NELL1: variants seen among roughly 807,000 people sequenced by gnomAD.
NELL1 encodes protein kinase C-binding protein NELL1.
Under a neutral mutation model 107.4 loss-of-function variants are expected in NELL1, and 76 were observed. That is an observed-to-expected ratio of 0.71 (90% CI 0.59 to 0.86). The LOEUF is 0.86. NELL1 is among the 40% of genes least tolerant of loss of function. The probability of loss-of-function intolerance (pLI) is 0.00; values close to 1 mark genes in which losing one functional copy is unlikely to be tolerated. For synonymous variants in NELL1, 353 were observed against 341.2 expected, an observed-to-expected ratio of 1.03 and a Z score of -0.38; for missense variants, 1,024 against 1,005.5, an observed-to-expected ratio of 1.02 and a Z score of -0.25.
At chr11:20,873,931 CTTTT>C (rs1393359340) in intron 4 of NELL1, among the ~76,000 whole-genome samples, 1 of 151,958 alleles carries the variant, frequency 6.6e-6, no homozygotes, top group African/African-American at 2.4e-5. Flanking sequence ...GCCCAGCTAA[CTTTT>C]TTATTTTTTG....
chr11:21,352,928 C>A (rs931864434), intron 14 of NELL1, among the ~76,000 whole-genome samples: 6 of 152,098 alleles, frequency 3.9e-5, no homozygotes, highest in Non-Finnish European at 1.5e-5. Flanking sequence ...CTGTGCCTGT[C>A]CTTTCTTTGT....
At chr11:20,809,822 A>G (rs1401807047) in intron 3 of NELL1, among the ~76,000 whole-genome samples, 1 of 152,182 alleles carries the variant, frequency 6.6e-6, no homozygotes, top group East Asian at 1.9e-4. Flanking sequence ...ATAATGCTAT[A>G]TGGGAGTGCA....
intron 14 of NELL1, among the ~76,000 whole-genome samples, chr11:21,320,630 G>C (rs1178598975): frequency 6.6e-6 from 1 of 152,096 alleles, no homozygotes; most frequent in Admixed American, 6.5e-5. Context: ...TATTCCATCA[G>C]GGCTGAGGCT....
chr11:20,745,403 A>G (rs189930836), intron 2 of NELL1, among the ~76,000 whole-genome samples: 5 of 152,312 alleles, frequency 3.3e-5, no homozygotes, highest in Admixed American at 2.0e-4. Context: ...AGCAATCATA[A>G]CAGCAATCGA....
chr11:21,373,816 C>T (rs2133757264), intron 15 of NELL1, among the ~76,000 whole-genome samples: 1 of 152,240 alleles, frequency 6.6e-6, no homozygotes, highest in South Asian at 2.1e-4. Flanking sequence ...TACCCTTCAA[C>T]TTCCTTCTCT....
intron 15 of NELL1, among the ~76,000 whole-genome samples, chr11:21,465,159 G>C (rs1159277363): frequency 2.6e-5 from 4 of 152,186 alleles, no homozygotes; most frequent in Admixed American, 2.0e-4. Context: ...TTGAGGAGGT[G>C]ATATAGGGGC....
intron 14 of NELL1, among the ~76,000 whole-genome samples, chr11:21,278,048 TAAAAA>T (rs36110638): frequency 1.1e-4 from 16 of 151,364 alleles, no homozygotes; most frequent in African/African-American, 3.9e-4. Flanking sequence ...TGAAGTATAA[TAAAAA>T]AAAAAGAAAG....
At chr11:20,710,780 C>T (rs866697607) in intron 2 of NELL1, among the ~76,000 whole-genome samples, 1 of 151,698 alleles carries the variant, frequency 6.6e-6, no homozygotes, top group Non-Finnish European at 1.5e-5. Flanking sequence ...TGGATTTTAT[C>T]CATCTCCTCT....
chr11:20,759,326 C>T (rs1856367101), intron 2 of NELL1, among the ~76,000 whole-genome samples: 3 of 152,148 alleles, frequency 2.0e-5, no homozygotes, highest in Admixed American at 6.5e-5. Context: ...GAGTCTCAGA[C>T]ATTGAAAGGA....
chr11:21,354,725 G>A (rs1349840936), intron 14 of NELL1, among the ~76,000 whole-genome samples: 7 of 152,190 alleles, frequency 4.6e-5, no homozygotes, highest in East Asian at 1.9e-4. Context: ...TGGTCCACCC[G>A]AATTACCCAG....
intron 2 of NELL1, among the ~76,000 whole-genome samples, chr11:20,765,413 G>A (rs1429689112): frequency 2.6e-5 from 4 of 152,172 alleles, no homozygotes; most frequent in Admixed American, 6.5e-5. Flanking sequence ...AGACACCACA[G>A]CACAGTGGTG....
intron 4 of NELL1, among the ~76,000 whole-genome samples, chr11:20,848,126 G>A (rs904063764): frequency 6.6e-6 from 1 of 152,158 alleles, no homozygotes; most frequent in Non-Finnish European, 1.5e-5. Flanking sequence ...GAATAAGCTT[G>A]TCTACCCTGG....
chr11:21,406,323 C>T (rs533545242), intron 15 of NELL1, among the ~76,000 whole-genome samples: 2 of 151,862 alleles, frequency 1.3e-5, no homozygotes, highest in Admixed American at 6.6e-5. Context: ...CATACTGTCT[C>T]TTGAATTTTT....
At chr11:20,775,383 G>A (rs185380834) in intron 2 of NELL1, among the ~76,000 whole-genome samples, 10 of 152,032 alleles carry the variant, frequency 6.6e-5, no homozygotes, top group African/African-American at 1.9e-4. Flanking sequence ...AATTTTCCAT[G>A]GGGTGTATAT....
chr11:20,745,275 G>A lies in NELL1; in HGVS notation c.185-38405G>A, dbSNP rs551024213. ...TTATATGCCTTAAAGCCCAACTATT[G>A]AAAATTATAAGTCTCACACATTGAT... is the stretch of plus-strand genomic sequence containing the variant. On this transcript the variant is annotated intron_variant, in intron 2 of 19. Coordinates refer to ENST00000357134, the MANE Select transcript of NELL1 (RefSeq NM_006157.5). 6.6e-5 allele frequency among the ~76,000 whole-genome samples: 10 copies of A among 152,208 alleles called. No individual in the cohort carries two copies. In the South Asian group the frequency reaches 2.1e-3, roughly 32 times the overall value.
chr11:21,491,381 A>G (rs948490663), intron 15 of NELL1, among the ~76,000 whole-genome samples: 6 of 152,014 alleles, frequency 3.9e-5, no homozygotes, highest in African/African-American at 1.2e-4. Flanking sequence ...TGTATAAGGT[A>G]TAAGGAAGGG....
rs892501093 is a variant in NELL1 at position 20,693,541 on chromosome 11, A to G, written c.184+15481A>G. On this transcript the variant is annotated intron_variant, in intron 2 of 19. Transcript: ENST00000357134. ...AAAGTATTTTATTTCTCCTTCACTTATGAAGCTTAGTTTGGCTGGATATGA... is the reference window on the plus strand; with the variant it reads ...AAAGTATTTTATTTCTCCTTCACTTGTGAAGCTTAGTTTGGCTGGATATGA... Among the ~76,000 whole-genome samples, 36 of 152,028 alleles carry G rather than the reference A, an allele frequency of 2.4e-4. No homozygotes were observed. The South Asian group carries it at 5.2e-3, about 22-fold the overall frequency.
At chr11:21,346,812 C>G (rs985927245) in intron 14 of NELL1, among the ~76,000 whole-genome samples, 1 of 151,962 alleles carries the variant, frequency 6.6e-6, no homozygotes, top group African/African-American at 2.4e-5. Context: ...TGCTCTCTCA[C>G]TTACTTGAAA....
intron 14 of NELL1, among the ~76,000 whole-genome samples, chr11:21,296,278 T>C (rs1307504412): frequency 6.6e-6 from 1 of 151,916 alleles, no homozygotes; most frequent in Non-Finnish European, 1.5e-5. Flanking sequence ...TAATTGAAAT[T>C]ATCTGGAGAA....
Sources: gnomAD v4.1 joint callset for allele counts (sites outside exome capture counted in the v4.1 genomes callset) on GRCh38, gnomAD v4.1.1 for gene constraint, MANE v1.5 for transcripts, NCBI Gene and HGNC (gene_info 2026-07-23, HGNC 2026-07-21) for gene names.